CCDC88A: variants seen among roughly 807,000 people sequenced by gnomAD.
CCDC88A encodes the protein coiled-coil and HOOK domain protein 88A, also known as girdin.
CCDC88A carries 54 observed loss-of-function variants against 234.3 expected under a neutral mutation model. The ratio of observed to expected loss-of-function variants is 0.23; its 90% confidence interval spans 0.19 to 0.29. The LOEUF is 0.29. Among genes scored for constraint, CCDC88A ranks in the 10% least tolerant of loss-of-function variants. CCDC88A has a pLI of 1.00. For missense variants in CCDC88A, 1,832 were observed against 2,123.4 expected (o/e 0.86, Z 2.70); for synonymous variants, 753 against 737.8 (o/e 1.02, Z -0.33).
intron 7 of CCDC88A, among the ~76,000 whole-genome samples, chr2:55,357,944 A>G (rs1670805664): frequency 6.6e-6 from 1 of 152,104 alleles, no homozygotes; most frequent in South Asian, 2.1e-4. Flanking sequence ...CAATTCTTCT[A>G]TTGTAGCACG....
intron 27 of CCDC88A, 67 bp downstream of exon 27, chr2:55,301,805 G>A (rs1680931608): frequency 5.8e-6 from 8 of 1,372,352 alleles, no homozygotes; most frequent in African/African-American, 1.4e-5. Flanking sequence ...AGTACACAGG[G>A]AAAAGTCAAA....
intron 4 of CCDC88A, 75 bp from the exon 5 acceptor site, chr2:55,372,585 A>G (rs1208434989): frequency 1.6e-5 from 12 of 739,134 alleles, no homozygotes; most frequent in Non-Finnish European, 2.6e-5. Context: ...AATCACTTCT[A>G]GAGGTAATTA....
intron 31 of CCDC88A, chr2:55,295,008 A>G: frequency 2.5e-6 from 3 of 1,206,406 alleles, no homozygotes; most frequent in Non-Finnish European, 3.2e-6. Flanking sequence ...TTCAAATCAT[A>G]TTAGAGAAGC....
chr2:55,368,149 G>A (rs574730005), intron 5 of CCDC88A, among the ~76,000 whole-genome samples: 1 of 152,322 alleles, frequency 6.6e-6, no homozygotes, highest in Admixed American at 6.5e-5. Context: ...AACTGGTTCA[G>A]AAGACTTGGG....
intron 19 of CCDC88A, 98 bp downstream of exon 19, chr2:55,318,745 C>A: frequency 1.1e-6 from 1 of 942,574 alleles, no homozygotes; most frequent in Admixed American, 2.6e-5. Flanking sequence ...TCTTTAAGTT[C>A]ATTCACTAAG....
At chr2:55,295,324 A>C in intron 31 of CCDC88A, 1 of 1,484,278 alleles carries the variant, frequency 6.7e-7, no homozygotes, top group Non-Finnish European at 9.0e-7. Context: ...TTACTAACTA[A>C]TTCTGTATTC....
chr2:55,415,406 C>T (rs1359818326), intron 2 of CCDC88A, among the ~76,000 whole-genome samples: 1 of 152,148 alleles, frequency 6.6e-6, no homozygotes, highest in African/African-American at 2.4e-5. Flanking sequence ...AGACAAAATA[C>T]ATAAAACGTT....
intron 2 of CCDC88A, among the ~76,000 whole-genome samples, chr2:55,408,966 T>A (rs1286845362): frequency 6.6e-6 from 1 of 151,398 alleles, no homozygotes; most frequent in Non-Finnish European, 1.5e-5. Context: ...TTTTCTCTCA[T>A]CCCACGTCTG....
At chr2:55,418,662 A>G (rs1464237367) in intron 2 of CCDC88A, 154 bp downstream of exon 2, 11 of 639,410 alleles carry the variant, frequency 1.7e-5, no homozygotes, top group Middle Eastern at 2.5e-4. Context: ...GGCTGAGCCC[A>G]TAACATTAGC....
intron 17 of CCDC88A, among the ~76,000 whole-genome samples, chr2:55,324,673 T>G (rs531485184): frequency 6.6e-6 from 1 of 151,534 alleles, no homozygotes; most frequent in South Asian, 2.1e-4. Flanking sequence ...TGAGATGGAG[T>G]CTCGCTCTGT....
At chr2:55,296,816 A>G (rs1680084030) in intron 29 of CCDC88A, 2 of 278,594 alleles carry the variant, frequency 7.2e-6, no homozygotes, top group South Asian at 1.0e-4. Flanking sequence ...AAAGCATTCA[A>G]TATATTTTTT....
Position 55,332,765 on chromosome 2 carries a change from T to A in CCDC88A, c.2728-72A>T. ...AACATCTAAGAAAGTCAGCTAAGAT[T>A]CTAATTACCACCATCTAGGAATACA... On this transcript the variant is annotated intron_variant, in intron 15 of 32. Coordinates refer to ENST00000436346, the MANE Select transcript of CCDC88A (RefSeq NM_001365480.1). This position sits in a 1 kb window ranked among gnomAD's most constrained non-coding sequence, Gnocchi z 4.5. The A allele has an allele frequency of 7.6e-7, 1 of 1,315,464 alleles. No individual in the cohort carries two copies. Among genetic ancestry groups the A allele is most frequent in the African/African-American group, 1.5e-5 (1 of 68,852 alleles). 81.5% of individuals were successfully genotyped at this position (1,315,464 alleles called of 1,614,324 possible).
intron 4 of CCDC88A, 49 bp from the exon 5 acceptor site, chr2:55,372,559 T>C (rs1426267790): frequency 7.9e-6 from 7 of 885,076 alleles, no homozygotes; most frequent in Non-Finnish European, 1.1e-5. Flanking sequence ...TATTTTCAAC[T>C]CTATTATATT....
At chr2:55,364,321 T>C (rs935666236) in intron 5 of CCDC88A, 37 of 195,200 alleles carry the variant, frequency 1.9e-4, no homozygotes, top group African/African-American at 8.4e-4. Flanking sequence ...TATGCTAACT[T>C]TACACACAGA....
At chr2:55,383,667 A>G (rs1674987471) in intron 3 of CCDC88A, among the ~76,000 whole-genome samples, 1 of 151,870 alleles carries the variant, frequency 6.6e-6, no homozygotes. Context: ...ACTAAATACT[A>G]AAATACTTCG....
intron 3 of CCDC88A, among the ~76,000 whole-genome samples, chr2:55,378,495 C>T (rs1319238409): frequency 3.3e-5 from 5 of 151,982 alleles, no homozygotes; most frequent in Non-Finnish European, 7.4e-5. Context: ...AATACATATG[C>T]CTTTTTTGGG....
chr2:55,351,473 C>T (rs1669877859), intron 8 of CCDC88A, among the ~76,000 whole-genome samples: 3 of 152,054 alleles, frequency 2.0e-5, no homozygotes, highest in East Asian at 1.9e-4. Flanking sequence ...CAAGCTCCCA[C>T]GTAGCTGGGA....
Position 55,419,259 on chromosome 2 carries a change from G to A in CCDC88A, c.-180C>T, listed in dbSNP as rs1681956212. The stretch of plus-strand genomic sequence containing the variant: ...AAAACACCCCAGAGTGAAACGAGCC[G>A]AAATCCCAAGAAGTGGCTTCGACGA... On this transcript the variant is annotated 5_prime_UTR_variant, in exon 1 of 33. Coordinates refer to ENST00000436346, the MANE Select transcript of CCDC88A (RefSeq NM_001365480.1). 6 of 573,480 alleles carry A rather than the reference G, an allele frequency of 1.0e-5. No homozygotes were observed. The highest frequency in any genetic ancestry group is 2.1e-5 in the South Asian group (1 of 46,768). The allele number at this position is 573,480 out of a possible 1,614,324, so 35.5% of individuals were successfully genotyped here.
chr2:55,299,186 A>G (rs949678850), intron 29 of CCDC88A, among the ~76,000 whole-genome samples: 2 of 152,228 alleles, frequency 1.3e-5, no homozygotes, highest in African/African-American at 4.8e-5. Context: ...CCTGGGCGAC[A>G]GAGTGAGACT....
Sources: allele counts gnomAD v4.1 joint callset (sites outside exome capture counted in the v4.1 genomes callset), GRCh38; gene constraint gnomAD v4.1.1; non-coding constraint Gnocchi (gnomAD v3.1); transcripts MANE v1.5; gene names NCBI Gene and HGNC (gene_info 2026-07-23, HGNC 2026-07-21).